SND1: variants seen among roughly 807,000 people sequenced by gnomAD.
SND1 encodes the protein staphylococcal nuclease domain-containing protein 1.
A neutral mutation model predicts 121.7 loss-of-function variants in SND1; 38 were observed. The observed-to-expected ratio is 0.31, with a 90% CI of 0.24 to 0.41. SND1 has a LOEUF of 0.41. Ranked by LOEUF, SND1 falls within the 10% of genes least tolerant of loss-of-function variation. SND1 has a pLI of 1.00. For missense variants in SND1, 868 were observed against 1,184.6 expected, an observed-to-expected ratio of 0.73 and a Z score of 3.92; for synonymous variants, 401 against 447.4, an observed-to-expected ratio of 0.90 and a Z score of 1.31.
chr7:128,007,931 C>T (rs1391592632), intron 16 of SND1: 1 of 152,148 alleles, frequency 6.6e-6, no homozygotes, highest in Non-Finnish European at 1.5e-5. Context: ...AAAACTGAGG[C>T]ATGAAGAAGT....
At position 127,857,083 on chromosome 7, in the gene SND1, C is replaced by T. The variant is rs530762679; in HGVS notation, c.1343+12659C>T. On this transcript the variant is annotated intron_variant, in intron 12 of 23. Coordinates refer to ENST00000354725, the MANE Select transcript of SND1 (RefSeq NM_014390.4). The stretch of plus-strand genomic sequence containing the variant: ...AAAGAGAAGGAGAGAATTTCAAAGC[C>T]CTTAAACTTTTGCTGGACCTATTTA... 5.9e-5 allele frequency among the ~76,000 whole-genome samples: 9 copies of T among 151,946 alleles called. No individual in the cohort carries two copies. In the South Asian group the frequency reaches 1.9e-3, roughly 32 times the overall value.
chr7:127,818,011 A>G (rs530147473), intron 11 of SND1, among the ~76,000 whole-genome samples: 1 of 152,020 alleles, frequency 6.6e-6, no homozygotes, highest in Non-Finnish European at 1.5e-5. Context: ...GCTTTGTCAT[A>G]TGGAAGATTT....
At chr7:127,684,192 C>T (rs1295951834) in intron 1 of SND1, among the ~76,000 whole-genome samples, 7 of 152,200 alleles carry the variant, frequency 4.6e-5, no homozygotes, top group Non-Finnish European at 8.8e-5. Context: ...TAGGTCAATG[C>T]TTGCTTATCA....
At chr7:127,824,786 GT>G (rs1473232723) in intron 11 of SND1, among the ~76,000 whole-genome samples, 1 of 151,476 alleles carries the variant, frequency 6.6e-6, no homozygotes, top group African/African-American at 2.4e-5. Flanking sequence ...TTTTGCTGTT[GT>G]TTACCATCCT....
chr7:128,086,914 G>T, intron 20 of SND1, 24 bp from the exon 21 acceptor site: 3 of 1,579,620 alleles, frequency 1.9e-6, no homozygotes, highest in Non-Finnish European at 2.6e-6. Flanking sequence ...TATGTGACAT[G>T]TTGGCCTGCT....
At chr7:127,881,126 G>T (rs1304768817) in intron 12 of SND1, among the ~76,000 whole-genome samples, 2 of 152,028 alleles carry the variant, frequency 1.3e-5, no homozygotes, top group Admixed American at 1.3e-4. Context: ...TTTCTGTGCA[G>T]CTTCACTTCT....
chr7:127,907,318 G>A (rs1254003436), intron 14 of SND1, among the ~76,000 whole-genome samples: 3 of 152,168 alleles, frequency 2.0e-5, no homozygotes, highest in Non-Finnish European at 2.9e-5. Context: ...TGGGTTTTCT[G>A]CTTCCTGAAG....
intron 10 of SND1, among the ~76,000 whole-genome samples, chr7:127,766,579 T>C (rs1209286408): frequency 4.0e-5 from 6 of 151,686 alleles, no homozygotes; most frequent in Non-Finnish European, 1.5e-5. Context: ...ATCAAGACCA[T>C]CCTGGCCAAC....
intron 2 of SND1, chr7:127,694,566 G>C (rs1795975478): frequency 4.9e-6 from 2 of 410,802 alleles, no homozygotes; most frequent in South Asian, 8.8e-5. Context: ...AAAAAGTCCT[G>C]CTGCCAGTGT....
chr7:127,701,082 CT>C lies in SND1; in HGVS notation c.429-80del. On this transcript the variant is annotated intron_variant, in intron 4 of 23. Coordinates refer to ENST00000354725, the MANE Select transcript of SND1 (RefSeq NM_014390.4). ...TTGTTGTCTTCAAGGGGTGAAGATG[CT>C]GAAGAAAACCTATATCAGAGAGCCT... The C allele has an allele frequency of 1.1e-5, 16 of 1,477,334 alleles. 1 individual carries two copies. In the South Asian group the frequency reaches 1.9e-4, roughly 18 times the overall value. 91.5% of individuals were successfully genotyped at this position (1,477,334 alleles called of 1,614,324 possible).
rs35890438 is a variant in SND1 at position 127,833,260 on chromosome 7, C to CTT, written c.1243-11045_1243-11044dup. Among the ~76,000 whole-genome samples the CTT allele has an allele frequency of 4.4e-3, 426 of 97,276 alleles. 5 individuals are homozygous for CTT. Among genetic ancestry groups the CTT allele is most frequent in the Middle Eastern group, 6.3e-3 (1 of 160 alleles). 63.8% of individuals were successfully genotyped at this position (97,276 alleles called of 152,430 possible). A position where few individuals can be genotyped will look rare whatever the true frequency, so the allele number is the denominator to read the frequency against. On this transcript the variant is annotated intron_variant, in intron 11 of 23. Coordinates refer to ENST00000354725, the MANE Select transcript of SND1 (RefSeq NM_014390.4). Reference sequence around the variant, plus strand: ...TTTCTTGGGAATGTGATTGAACTGTCTTTTTTTTTTTTTTTTTTTTAATGA... The same window carrying CTT: ...TTTCTTGGGAATGTGATTGAACTGTCTTTTTTTTTTTTTTTTTTTTTTAATGA...
intron 12 of SND1, among the ~76,000 whole-genome samples, chr7:127,848,932 G>C (rs77354362): frequency 1.3e-5 from 2 of 152,094 alleles, no homozygotes; most frequent in African/African-American, 2.4e-5. Context: ...CTTCCTATCT[G>C]TTTCCCCTGG....
At chr7:127,671,300 CAAGAGT>C (rs1795513739) in intron 1 of SND1, among the ~76,000 whole-genome samples, 1 of 152,130 alleles carries the variant, frequency 6.6e-6, no homozygotes, top group Admixed American at 6.5e-5. Flanking sequence ...TCCCCTTTAC[CAAGAGT>C]CCCTAACTGC....
chr7:128,073,989 G>GCCTCTCCTGTCCTCTCCC (rs1457580518), intron 16 of SND1, among the ~76,000 whole-genome samples: 3 of 152,222 alleles, frequency 2.0e-5, no homozygotes, highest in Admixed American at 6.5e-5. Context: ...GCGTCTTTCT[G>GCCTCTCCTGTCCTCTCCC]CCTCTCCTGT....
At chr7:127,731,653 C>T (rs970948126) in intron 10 of SND1, among the ~76,000 whole-genome samples, 1 of 152,192 alleles carries the variant, frequency 6.6e-6, no homozygotes, top group Non-Finnish European at 1.5e-5. Context: ...TGCCAAGTTA[C>T]CCTTCTTCCG....
At chr7:127,931,121 G>T (rs957547849) in intron 15 of SND1, among the ~76,000 whole-genome samples, 5 of 152,118 alleles carry the variant, frequency 3.3e-5, no homozygotes, top group African/African-American at 1.2e-4. Flanking sequence ...TGAATGATAA[G>T]AAAACCAAAC....
At chr7:128,060,504 C>T (rs1040780012) in intron 16 of SND1, among the ~76,000 whole-genome samples, 1 of 152,176 alleles carries the variant, frequency 6.6e-6, no homozygotes, top group African/African-American at 2.4e-5. Context: ...TTCACAAGCA[C>T]CTGCTTAAAA....
intron 14 of SND1, among the ~76,000 whole-genome samples, chr7:127,915,996 A>ATGTGTGTG (rs57570326): frequency 1.3e-4 from 20 of 149,026 alleles, no homozygotes; most frequent in Admixed American, 4.0e-4. Flanking sequence ...AGAACAGCAT[A>ATGTGTGTG]TGTGTGTGTG....
intron 10 of SND1, among the ~76,000 whole-genome samples, chr7:127,746,756 T>C (rs931930732): frequency 1.3e-4 from 20 of 152,206 alleles, no homozygotes; most frequent in African/African-American, 4.6e-4. Flanking sequence ...CTGGCCTTTG[T>C]AGGTATAAAT....
Sources: allele counts gnomAD v4.1 joint callset (sites outside exome capture counted in the v4.1 genomes callset), GRCh38; gene constraint gnomAD v4.1.1; transcripts MANE v1.5; gene names NCBI Gene and HGNC (gene_info 2026-07-23, HGNC 2026-07-21).